The following STAB1 variants were observed in gnomAD, a reference collection of about 807,000 sequenced individuals.
STAB1 encodes stabilin-1.
In STAB1, 250 loss-of-function variants were observed where a neutral mutation model predicts 332.4. That is an observed-to-expected ratio of 0.75 (90% CI 0.68 to 0.84). The LOEUF (loss-of-function observed/expected upper bound fraction) is 0.84, where lower values mean the gene tolerates loss of function less well. Among genes scored for constraint, STAB1 ranks in the 40% least tolerant of loss-of-function variants. The pLI is 0.00. For synonymous variants in STAB1, 1,475 were observed against 1,390.4 expected, an observed-to-expected ratio of 1.06 and a Z score of -1.35; for missense variants, 3,249 against 3,489.7, an observed-to-expected ratio of 0.93 and a Z score of 1.74.
intron 50 of STAB1, 90 bp downstream of exon 50, chr3:52,519,654 A>G (rs2079007089): frequency 6.6e-7 from 1 of 1,526,414 alleles, no homozygotes; most frequent in Non-Finnish European, 9.0e-7. Flanking sequence ...GTGCATACCC[A>G]CCTGTGTGCA....
At position 52,509,855 on chromosome 3, in the gene STAB1, A is replaced by T. The variant is rs1316199334; in HGVS notation, c.2348-15A>T. The T allele has an allele frequency of 6.2e-7, 1 of 1,612,782 alleles. No homozygotes were observed. Among genetic ancestry groups the T allele is most frequent in the Non-Finnish European group, 8.5e-7 (1 of 1,179,950 alleles). Reference sequence around the variant, plus strand: ...CCTGCTTCTCAGTTTCCTTGCTCCCATCTACTCCATACAGACTGCGGCTGT... The same window carrying T: ...CCTGCTTCTCAGTTTCCTTGCTCCCTTCTACTCCATACAGACTGCGGCTGT... On this transcript the variant is annotated splice_polypyrimidine_tract_variant and intron_variant, in intron 22 of 68. Coordinates refer to ENST00000321725, the MANE Select transcript of STAB1 (RefSeq NM_015136.3).
intron 46 of STAB1, 75 bp downstream of exon 46, chr3:52,518,434 G>A: frequency 6.3e-7 from 1 of 1,577,136 alleles, no homozygotes; most frequent in Non-Finnish European, 8.6e-7. Flanking sequence ...TCTGGTCAGG[G>A]GGTTGGCTGG....
intron 57 of STAB1, 70 bp from the exon 58 acceptor site, chr3:52,521,774 T>TG: frequency 6.2e-7 from 1 of 1,601,800 alleles, no homozygotes; most frequent in Non-Finnish European, 8.5e-7. Flanking sequence ...GCACCAAGGG[T>TG]GGGTGGAACG....
chr3:52,509,678 T>C (rs1023343985), intron 22 of STAB1, among the ~76,000 whole-genome samples, 192 bp from the exon 23 acceptor site: 3 of 152,204 alleles, frequency 2.0e-5, no homozygotes, highest in Admixed American at 1.3e-4. Flanking sequence ...AATGGGATAA[T>C]TGAAAGCTCA....
In STAB1 at chr3:52,519,421, C is replaced by A; in HGVS notation, c.5175+17C>A. On this transcript the variant is annotated intron_variant, in intron 49 of 68. Transcript: ENST00000321725. Reference sequence around the variant, plus strand: ...ATCCCGAGGGTATGACAAGCACGGGCCTGGGAGCTGGAAGACAGGCAGGTG... The same window carrying A: ...ATCCCGAGGGTATGACAAGCACGGGACTGGGAGCTGGAAGACAGGCAGGTG... 1 of 1,612,398 alleles carries A rather than the reference C, an allele frequency of 6.2e-7. No homozygotes were observed. The highest frequency in any genetic ancestry group is 8.5e-7 in the Non-Finnish European group (1 of 1,179,386).
intron 34 of STAB1, 94 bp from the exon 35 acceptor site, chr3:52,514,606 AG>A: frequency 1.3e-6 from 2 of 1,583,516 alleles, no homozygotes; most frequent in Admixed American, 1.7e-5. Flanking sequence ...CCTCTGCTCC[AG>A]GGAGCCCCCC....
Position 52,510,511 on chromosome 3 carries a change from A to C in STAB1, c.2787+4A>C. On this transcript the variant is annotated splice_donor_region_variant and intron_variant, in intron 25 of 68. Transcript: ENST00000321725. ...CAGCTATGTGGGCCCCGGGCAGGTGAGGTGCAGCAGAGAAGGGGTGGGGGC... is the reference window on the plus strand; with the variant it reads ...CAGCTATGTGGGCCCCGGGCAGGTGCGGTGCAGCAGAGAAGGGGTGGGGGC... The C allele has an allele frequency of 6.2e-7, 1 of 1,611,444 alleles. No homozygotes were observed. Among genetic ancestry groups the C allele is most frequent in the Non-Finnish European group, 8.5e-7 (1 of 1,178,760 alleles).
chr3:52,514,883 C>A (rs2078805136), intron 35 of STAB1, 54 bp downstream of exon 35: 7 of 1,612,672 alleles, frequency 4.3e-6, no homozygotes, highest in Non-Finnish European at 5.9e-6. Flanking sequence ...GCTGGGAGGG[C>A]CTAGCTGACC....
intron 47 of STAB1, 52 bp downstream of exon 47, chr3:52,518,665 C>T: frequency 1.9e-6 from 3 of 1,611,506 alleles, no homozygotes; most frequent in Non-Finnish European, 2.5e-6. Context: ...CTGGTGGTGG[C>T]CCTGCGTGGG....
Position 52,502,721 on chromosome 3 carries a change from G to A in STAB1, c.577G>A (p.Asp193Asn). 1 of 1,613,224 alleles carries A rather than the reference G, an allele frequency of 6.2e-7. No homozygotes were observed. Among genetic ancestry groups the A allele is most frequent in the Non-Finnish European group, 8.5e-7 (1 of 1,179,630 alleles). ...CFAGYTGPHC[D>N]QELPVCQELR... is the part of the protein sequence containing the mutation. ...TGCTGGATACACTGGCCCCCACTGT[G>A]ATCAAGGTGAGCAGCGCCACTGGGA... The change falls in exon 6 of 69, where the codon GAT (aspartate) becomes AAT (asparagine). Residue 193 changes from aspartate to asparagine, a missense_variant. Physicochemically the swap from Asp to Asn is conservative, Grantham distance 23 (BLOSUM62 1). Coordinates refer to ENST00000321725, the MANE Select transcript of STAB1 (RefSeq NM_015136.3).
chr3:52,505,154 A>G lies in STAB1; in HGVS notation c.1518+11A>G, dbSNP rs1230922237. The G allele has an allele frequency of 1.2e-6, 2 of 1,612,354 alleles. No individual in the cohort carries two copies. Among genetic ancestry groups the G allele is most frequent in the East Asian group, 2.2e-5 (1 of 44,830 alleles). On this transcript the variant is annotated intron_variant, in intron 13 of 68. Coordinates refer to ENST00000321725, the MANE Select transcript of STAB1 (RefSeq NM_015136.3). ...CCTGGGGATCCCAAGGTGAGCCAGC[A>G]TCCTCCCCTCCCCTCCCCTGTGCTG...
rs2079159645 is a variant in STAB1 at position 52,523,680 on chromosome 3, T to C, written c.7319T>C (p.Ile2440Thr). The C allele has an allele frequency of 6.2e-7, 1 of 1,612,700 alleles. No individual in the cohort carries two copies. The highest frequency in any genetic ancestry group is 1.3e-5 in the African/African-American group (1 of 74,922). The change falls in exon 66 of 69, where the codon ATC (isoleucine) becomes ACC (threonine). Residue 2440 changes from isoleucine to threonine, a missense_variant. By Grantham distance (89) the Ile-to-Thr change is moderately conservative. Coordinates refer to ENST00000321725, the MANE Select transcript of STAB1 (RefSeq NM_015136.3). ...CCAGGGACAGTTGTGGTTAGCCGTATCATTGTGTGGGACATCATGGCCTTC... is the reference window on the plus strand; with the variant it reads ...CCAGGGACAGTTGTGGTTAGCCGTACCATTGTGTGGGACATCATGGCCTTC... ...VAPGTVVVSR[I>T]IVWDIMAFNG...
In STAB1 at chr3:52,514,991, G is replaced by A. The variant is rs980318641; in HGVS notation, c.3810G>A (p.Glu1270=). 1.2e-6 allele frequency: 2 copies of A among 1,613,540 alleles called. No individual in the cohort carries two copies. The highest frequency in any genetic ancestry group is 1.7e-5 in the Admixed American group (1 of 60,018). Residue 1270 remains glutamate (E), a splice_region_variant and synonymous_variant, in exon 36 of 69, where the codon GAG becomes GAA. Coordinates refer to ENST00000321725, the MANE Select transcript of STAB1 (RefSeq NM_015136.3). ...CLHSHAEALR[E]KCVNCTRRFR... ...TGCCCCACCCTTTTTCCCTCTAGGAGAAATGTGTAAACTGCACCAGGAGAT... is the reference window on the plus strand; with the variant it reads ...TGCCCCACCCTTTTTCCCTCTAGGAAAAATGTGTAAACTGCACCAGGAGAT...
chr3:52,502,229 G>A lies in STAB1; in HGVS notation c.487+1G>A. 1.2e-6 allele frequency: 2 copies of A among 1,611,104 alleles called. No individual in the cohort carries two copies. The highest frequency in any genetic ancestry group is 1.7e-6 in the Non-Finnish European group (2 of 1,179,962). Reference sequence around the variant, plus strand: ...CGGTTCGGGCCTGACTGCCAATCGGGTGAGTGCTTAAAAGGCAAGAGGGCA... The same window carrying A: ...CGGTTCGGGCCTGACTGCCAATCGGATGAGTGCTTAAAAGGCAAGAGGGCA... On this transcript the variant is annotated splice_donor_variant, in intron 5 of 68. Transcript: ENST00000321725. LOFTEE classifies it high-confidence loss of function.
At chr3:52,496,081 G>A (rs1326337390) in intron 1 of STAB1, among the ~76,000 whole-genome samples, 9 of 152,188 alleles carry the variant, frequency 5.9e-5, no homozygotes, top group Non-Finnish European at 1.0e-4. Context: ...TGTCCTCCTC[G>A]TGAGGAACCC....
Position 52,504,692 on chromosome 3 carries a change from G to C in STAB1, c.1240-47G>C, listed in dbSNP as rs532443518. 3 of 1,613,292 alleles carry C rather than the reference G, an allele frequency of 1.9e-6. No homozygotes were observed. The African/African-American group carries it at 4.0e-5, about 21-fold the overall frequency. On this transcript the variant is annotated intron_variant, in intron 11 of 68. Coordinates refer to ENST00000321725, the MANE Select transcript of STAB1 (RefSeq NM_015136.3). The stretch of plus-strand genomic sequence containing the variant: ...CATTGCTGGGTAGAGGTGGTGTGAA[G>C]AGGACTGGCCCCCCGGCTCACTTTG...
intron 25 of STAB1, 63 bp downstream of exon 25, chr3:52,510,570 T>C: frequency 7.7e-6 from 12 of 1,555,470 alleles, no homozygotes; most frequent in Non-Finnish European, 8.7e-6. Context: ...CTGCCCCATC[T>C]GACTCCTGGA....
intron 46 of STAB1, 46 bp from the exon 47 acceptor site, chr3:52,518,490 C>T (rs1215463603): frequency 1.2e-5 from 19 of 1,563,350 alleles, no homozygotes; most frequent in Non-Finnish European, 1.6e-5. Context: ...TCCATGGACG[C>T]CTCAGGCTTC....
At position 52,501,773 on chromosome 3, in the gene STAB1, C is replaced by T. The variant is rs909238643; in HGVS notation, c.331+20C>T. 13 of 1,548,796 alleles carry T rather than the reference C, an allele frequency of 8.4e-6. No homozygotes were observed. The highest frequency in any genetic ancestry group is 1.0e-5 in the Non-Finnish European group (12 of 1,145,488). On this transcript the variant is annotated intron_variant, in intron 3 of 68. Coordinates refer to ENST00000321725, the MANE Select transcript of STAB1 (RefSeq NM_015136.3). ...GCCATGGTATGGGAGAAAGGGGGAC[C>T]CCGCCTTGCGCCTCCCACCCAGCCC... is the stretch of plus-strand genomic sequence containing the variant.
Sources: gnomAD v4.1 joint callset for allele counts (sites outside exome capture counted in the v4.1 genomes callset) on GRCh38, gnomAD v4.1.1 for gene constraint, MANE v1.5 for transcripts, NCBI Gene and HGNC (gene_info 2026-07-23, HGNC 2026-07-21) for gene names.